The following FAM135B variants were observed in gnomAD, a reference collection of about 807,000 sequenced individuals.
FAM135B encodes protein FAM135B.
A neutral mutation model predicts 127.7 loss-of-function variants in FAM135B; 43 were observed. The observed-to-expected ratio is 0.34, with a 90% CI of 0.26 to 0.43. The LOEUF is 0.43. Ranked by LOEUF, FAM135B falls within the 20% of genes least tolerant of loss-of-function variation. The pLI is 1.00. For missense variants in FAM135B, 1,558 were observed against 1,725.6 expected, an observed-to-expected ratio of 0.90 and a Z score of 1.72; for synonymous variants, 670 against 665.1, an observed-to-expected ratio of 1.01 and a Z score of -0.11.
intron 1 of FAM135B, among the ~76,000 whole-genome samples, chr8:138,407,642 A>G (rs1435635540): frequency 6.6e-6 from 1 of 152,216 alleles, no homozygotes; most frequent in Non-Finnish European, 1.5e-5. Flanking sequence ...AACCTGAGAA[A>G]AACAAGCAGT....
chr8:138,131,068 T>A lies in FAM135B; in HGVS notation c.*1525A>T, dbSNP rs539739921. The A allele has an allele frequency of 1.3e-5, 2 of 152,320 alleles. No homozygotes were observed. The highest frequency in any genetic ancestry group is 4.8e-5 in the African/African-American group (2 of 41,572). 9.4% of individuals were successfully genotyped at this position (152,320 alleles called of 1,614,324 possible). ...ACTCATTCCCATGGTCTGCTTTTATTTTTCAAAGTCACATTGTTAACATAA... is the reference window on the plus strand; with the variant it reads ...ACTCATTCCCATGGTCTGCTTTTATATTTCAAAGTCACATTGTTAACATAA... On this transcript the variant is annotated 3_prime_UTR_variant, in exon 20 of 20. Coordinates refer to ENST00000395297, the MANE Select transcript of FAM135B (RefSeq NM_015912.4).
chr8:138,398,121 G>A (rs1219630210), intron 1 of FAM135B, among the ~76,000 whole-genome samples: 3 of 152,204 alleles, frequency 2.0e-5, no homozygotes, highest in Non-Finnish European at 4.4e-5. Context: ...TTCAAAGACT[G>A]TGTGACCTTG....
chr8:138,373,542 A>G (rs1831276296), intron 1 of FAM135B, among the ~76,000 whole-genome samples: 1 of 151,946 alleles, frequency 6.6e-6, no homozygotes, highest in Admixed American at 6.6e-5. Context: ...GCTCCTTGAA[A>G]AAAGAACAGA....
chr8:138,220,407 C>G (rs1310280397), intron 7 of FAM135B, among the ~76,000 whole-genome samples: 1 of 152,122 alleles, frequency 6.6e-6, no homozygotes, highest in South Asian at 2.1e-4. Flanking sequence ...CAAAAAGCAT[C>G]GTTGTTGAGC....
At chr8:138,361,707 C>T (rs1017454124) in intron 2 of FAM135B, among the ~76,000 whole-genome samples, 1 of 152,162 alleles carries the variant, frequency 6.6e-6, no homozygotes, top group African/African-American at 2.4e-5. Context: ...CCCACTCCCC[C>T]ACTCTTACTC....
At chr8:138,398,217 C>A (rs776198423) in intron 1 of FAM135B, among the ~76,000 whole-genome samples, 13 of 152,132 alleles carry the variant, frequency 8.5e-5, no homozygotes, top group East Asian at 1.9e-4. Context: ...TGGCACCATG[C>A]GTGGGACTCC....
intron 2 of FAM135B, among the ~76,000 whole-genome samples, chr8:138,362,600 T>G (rs1409641020): frequency 1.3e-5 from 2 of 152,298 alleles, no homozygotes; most frequent in Middle Eastern, 3.4e-3. Context: ...AAAACTTAGC[T>G]TGAGGCCTTG....
chr8:138,369,911 G>T lies in FAM135B; in HGVS notation c.-19-1909C>A, dbSNP rs1831007827. ...GGTTGTCGGCTTTCCATTATCCCCA[G>T]TTCCCCTCCTGATCTCTGATCCTGG... On this transcript the variant is annotated intron_variant, in intron 1 of 19. Coordinates refer to ENST00000395297, the MANE Select transcript of FAM135B (RefSeq NM_015912.4). Among the ~76,000 whole-genome samples, 2 of 152,138 alleles carry T rather than the reference G, an allele frequency of 1.3e-5. 1 individual carries two copies. Among genetic ancestry groups the T allele is most frequent in the South Asian group, 4.1e-4 (2 of 4,830 alleles).
At chr8:138,343,151 G>T (rs1829170822) in intron 2 of FAM135B, among the ~76,000 whole-genome samples, 1 of 152,366 alleles carries the variant, frequency 6.6e-6, no homozygotes, top group South Asian at 2.1e-4. Context: ...TCCTGATAAA[G>T]CTCAAAGGAA....
chr8:138,370,404 G>T (rs1040832952), intron 1 of FAM135B, among the ~76,000 whole-genome samples: 1 of 152,010 alleles, frequency 6.6e-6, no homozygotes, highest in African/African-American at 2.4e-5. Flanking sequence ...CACCCATAAT[G>T]CAGTGAGGAA....
At position 138,398,108 on chromosome 8, in the gene FAM135B, C is replaced by T. The variant is rs547250140; in HGVS notation, c.-19-30106G>A. On this transcript the variant is annotated intron_variant, in intron 1 of 19. Coordinates refer to ENST00000395297, the MANE Select transcript of FAM135B (RefSeq NM_015912.4). The stretch of plus-strand genomic sequence containing the variant: ...GCCATGGTCCTGCATCCTGGCTCGT[C>T]TGTTCAAAGACTGTGTGACCTTGGG... 2.0e-5 allele frequency among the ~76,000 whole-genome samples: 3 copies of T among 152,308 alleles called. No individual in the cohort carries two copies. In the South Asian group the frequency reaches 6.2e-4, roughly 32 times the overall value.
chr8:138,482,596 C>T (rs1814826719), intron 1 of FAM135B, among the ~76,000 whole-genome samples: 2 of 151,998 alleles, frequency 1.3e-5, no homozygotes, highest in African/African-American at 4.8e-5. Flanking sequence ...GCTTACACTT[C>T]CTAGTGTTTA....
intron 7 of FAM135B, among the ~76,000 whole-genome samples, chr8:138,200,528 G>A (rs1817028042): frequency 1.3e-5 from 2 of 152,214 alleles, no homozygotes; most frequent in South Asian, 4.1e-4. Context: ...ACCATGAAAG[G>A]CCGATACTCT....
chr8:138,353,651 G>A (rs987703183), intron 2 of FAM135B, among the ~76,000 whole-genome samples: 1 of 152,124 alleles, frequency 6.6e-6, no homozygotes, highest in Non-Finnish European at 1.5e-5. Context: ...TCCAAACCCT[G>A]TCATAGGGTG....
At chr8:138,250,808 C>T (rs766633724) in intron 6 of FAM135B, 33 bp downstream of exon 6, 15 of 1,608,698 alleles carry the variant, frequency 9.3e-6, no homozygotes, top group Non-Finnish European at 1.3e-5. Context: ...GAAGGTGGCT[C>T]CCACATATCA....
At chr8:138,483,279 A>G (rs1256997660) in intron 1 of FAM135B, among the ~76,000 whole-genome samples, 1 of 152,188 alleles carries the variant, frequency 6.6e-6, no homozygotes, top group Non-Finnish European at 1.5e-5. Flanking sequence ...TTTACACATG[A>G]AGAAATGGAA....
chr8:138,325,898 A>G (rs1048610338), intron 2 of FAM135B, among the ~76,000 whole-genome samples: 1 of 152,178 alleles, frequency 6.6e-6, no homozygotes, highest in Non-Finnish European at 1.5e-5. Context: ...ATGTGTGTAT[A>G]GCAAAACTGA....
At chr8:138,256,664 A>G in intron 5 of FAM135B, 25 bp downstream of exon 5, 2 of 1,605,752 alleles carry the variant, frequency 1.2e-6, no homozygotes, top group South Asian at 1.1e-5. Context: ...TGCTACTACA[A>G]TTCAATAATT....
intron 1 of FAM135B, among the ~76,000 whole-genome samples, chr8:138,432,451 G>C (rs1239237008): frequency 2.6e-5 from 4 of 151,944 alleles, no homozygotes; most frequent in Non-Finnish European, 4.4e-5. Flanking sequence ...CCAAACAACA[G>C]TCTCTAATAT....
Sources: gnomAD v4.1 joint callset for allele counts (sites outside exome capture counted in the v4.1 genomes callset) on GRCh38, gnomAD v4.1.1 for gene constraint, MANE v1.5 for transcripts, NCBI Gene and HGNC (gene_info 2026-07-23, HGNC 2026-07-21) for gene names.